Variants in FDX1 observed in about 807,000 individuals in gnomAD.
FDX1 encodes ferredoxin 1.
Under a neutral mutation model 14.9 loss-of-function variants are expected in FDX1, and 9 were observed. The observed-to-expected ratio is 0.60, with a 90% CI of 0.36 to 1.05. The LOEUF is 1.05. Ranked by LOEUF, FDX1 falls within the 50% of genes least tolerant of loss-of-function variation. The pLI is 0.01. For missense variants in FDX1, 204 were observed against 237.2 expected (o/e 0.86, Z 0.92); for synonymous variants, 92 against 99.4 (o/e 0.93, Z 0.44).
At chr11:110,448,396 C>A (rs1946465927) in intron 2 of FDX1, among the ~76,000 whole-genome samples, 1 of 152,150 alleles carries the variant, frequency 6.6e-6, no homozygotes, top group South Asian at 2.1e-4. Context: ...CCCACACAGC[C>A]ATCCTCTAGA....
chr11:110,447,273 C>CA (rs541827807), intron 2 of FDX1, among the ~76,000 whole-genome samples: 1,358 of 75,540 alleles, frequency 0.018, 29 homozygotes, highest in African/African-American at 0.025. Flanking sequence ...ACTAAAAATA[C>CA]AAAAAAAAAA....
intron 2 of FDX1, among the ~76,000 whole-genome samples, chr11:110,444,688 G>GTATATATATATATATACGTATA (rs1946432113): frequency 4.0e-5 from 1 of 24,882 alleles, no homozygotes. Flanking sequence ...ATATATACAC[G>GTATATATATATATATACGTATA]TATATATATA....
chr11:110,432,336 A>C (rs570233247), intron 1 of FDX1, among the ~76,000 whole-genome samples: 1 of 152,322 alleles, frequency 6.6e-6, no homozygotes, highest in East Asian at 1.9e-4. Flanking sequence ...GGGAATAAAA[A>C]TTTCATATTA....
At chr11:110,431,225 T>A (rs1324952455) in intron 1 of FDX1, among the ~76,000 whole-genome samples, 1 of 152,218 alleles carries the variant, frequency 6.6e-6, no homozygotes, top group African/African-American at 2.4e-5. Context: ...AGTTTTAGGT[T>A]CTTGGGCATA....
At chr11:110,442,618 C>G (rs901873183) in intron 2 of FDX1, among the ~76,000 whole-genome samples, 5 of 152,200 alleles carry the variant, frequency 3.3e-5, no homozygotes, top group Admixed American at 2.6e-4. Context: ...GCCTGTACCC[C>G]CATTGTATCT....
chr11:110,444,746 A>G (rs960495902), intron 2 of FDX1, among the ~76,000 whole-genome samples: 1 of 32,508 alleles, frequency 3.1e-5, no homozygotes, highest in African/African-American at 1.6e-4. Context: ...ATATATATAC[A>G]CGTATATATA....
At chr11:110,456,033 A>G (rs1024789061) in intron 2 of FDX1, among the ~76,000 whole-genome samples, 12 of 152,224 alleles carry the variant, frequency 7.9e-5, no homozygotes, top group Non-Finnish European at 1.8e-4. Flanking sequence ...TGTCTGGCGT[A>G]CGATATGTAT....
At chr11:110,443,375 T>G (rs1469047103) in intron 2 of FDX1, among the ~76,000 whole-genome samples, 1 of 151,946 alleles carries the variant, frequency 6.6e-6, no homozygotes, top group African/African-American at 2.4e-5. Context: ...GGGATTTAGA[T>G]TATCTTCCCT....
intron 2 of FDX1, among the ~76,000 whole-genome samples, chr11:110,442,681 T>TG (rs757614400): frequency 6.6e-6 from 1 of 152,230 alleles, no homozygotes; most frequent in African/African-American, 2.4e-5. Flanking sequence ...AGAAGGGACT[T>TG]GCCTTATCTT....
intron 2 of FDX1, among the ~76,000 whole-genome samples, chr11:110,438,259 G>A (rs983226225): frequency 6.6e-6 from 1 of 152,080 alleles, no homozygotes; most frequent in African/African-American, 2.4e-5. Context: ...ACTGTCTTAA[G>A]TGTTTCCTTT....
chr11:110,440,134 C>G (rs889274079), intron 2 of FDX1, among the ~76,000 whole-genome samples: 1 of 151,574 alleles, frequency 6.6e-6, no homozygotes, highest in African/African-American at 2.4e-5. Context: ...TTTGTCATTT[C>G]TAATTATTCT....
intron 2 of FDX1, among the ~76,000 whole-genome samples, chr11:110,449,414 C>A: frequency 6.6e-6 from 1 of 152,106 alleles, no homozygotes; most frequent in South Asian, 2.1e-4. Flanking sequence ...TTTTAATTGA[C>A]AGATCATAAT....
chr11:110,444,548 G>A (rs921592553), intron 2 of FDX1, among the ~76,000 whole-genome samples: 4 of 150,214 alleles, frequency 2.7e-5, no homozygotes, highest in East Asian at 3.9e-4. Context: ...TCTGGGAGGC[G>A]GAGGTTGCAG....
At position 110,444,650 on chromosome 11, in the gene FDX1, G is replaced by GTATA. The variant is rs1225899200; in HGVS notation, c.310+8703_310+8706dup. Among the ~76,000 whole-genome samples, 159 of 53,794 alleles carry GTATA rather than the reference G, an allele frequency of 3.0e-3. 1 individual carries two copies. Among genetic ancestry groups the GTATA allele is most frequent in the East Asian group, 6.5e-3 (6 of 922 alleles). The allele number at this position is 53,794 out of a possible 152,430, so 35.3% of individuals were successfully genotyped here. ...AAAATATATGTGTGTGTGTGTGTGT[G>GTATA]TATATATATATATACGTATATATAT... is the stretch of plus-strand genomic sequence containing the variant. On this transcript the variant is annotated intron_variant, in intron 2 of 3. Transcript: ENST00000260270.
intron 2 of FDX1, among the ~76,000 whole-genome samples, chr11:110,452,908 G>C (rs1477489521): frequency 1.3e-5 from 2 of 152,196 alleles, no homozygotes; most frequent in Non-Finnish European, 2.9e-5. Flanking sequence ...ACAGATCAGT[G>C]GTTACCAGGG....
chr11:110,437,904 T>C (rs1435419599), intron 2 of FDX1, among the ~76,000 whole-genome samples: 1 of 152,242 alleles, frequency 6.6e-6, no homozygotes, highest in African/African-American at 2.4e-5. Flanking sequence ...TCTGGTTCTG[T>C]GTTAATTTAC....
At chr11:110,434,148 A>G (rs918238617) in intron 1 of FDX1, among the ~76,000 whole-genome samples, 3 of 152,178 alleles carry the variant, frequency 2.0e-5, no homozygotes, top group African/African-American at 7.2e-5. Flanking sequence ...TTAACATACT[A>G]TCTTAAAAAA....
chr11:110,454,648 G>GATA (rs982600270), intron 2 of FDX1, among the ~76,000 whole-genome samples: 27 of 151,946 alleles, frequency 1.8e-4, no homozygotes, highest in African/African-American at 6.3e-4. Flanking sequence ...TGTAACTTTG[G>GATA]ATAATAATAA....
intron 2 of FDX1, 105 bp downstream of exon 2, chr11:110,436,063 G>A (rs960062093): frequency 1.1e-5 from 10 of 926,884 alleles, no homozygotes; most frequent in Non-Finnish European, 1.2e-5. Flanking sequence ...AGCATGCTAT[G>A]TAAAATATTA....
Sources: allele counts gnomAD v4.1 joint callset (sites outside exome capture counted in the v4.1 genomes callset), GRCh38; gene constraint gnomAD v4.1.1; transcripts MANE v1.5; gene names NCBI Gene and HGNC (gene_info 2026-07-23, HGNC 2026-07-21).